Variants in PCSK5 observed in about 807,000 individuals in gnomAD.
The protein encoded by PCSK5 is proprotein convertase subtilisin/kexin type 5.
Under a neutral mutation model 233.2 loss-of-function variants are expected in PCSK5, and 129 were observed. That is an observed-to-expected ratio of 0.55 (90% CI 0.48 to 0.64). The LOEUF (loss-of-function observed/expected upper bound fraction) is 0.64. PCSK5 is among the 30% of genes least tolerant of loss of function. The pLI is 0.00. For synonymous variants in PCSK5, 825 were observed against 879.2 expected (o/e 0.94, Z 1.09); for missense variants, 2,076 against 2,430.1 (o/e 0.85, Z 3.06).
chr9:76,159,818 T>C (rs1415063177), intron 12 of PCSK5, among the ~76,000 whole-genome samples: 6 of 92,306 alleles, frequency 6.5e-5, no homozygotes, highest in African/African-American at 2.4e-4. Flanking sequence ...CTTCAGTCCT[T>C]TTTTTTTTTT....
intron 17 of PCSK5, among the ~76,000 whole-genome samples, chr9:76,188,354 A>C (rs2131236805): frequency 6.6e-6 from 1 of 152,350 alleles, no homozygotes; most frequent in South Asian, 2.1e-4. Context: ...GAAGCCTAGC[A>C]GCGTGTGTGT....
At chr9:75,945,236 T>C (rs1824511310) in intron 2 of PCSK5, among the ~76,000 whole-genome samples, 1 of 152,024 alleles carries the variant, frequency 6.6e-6, no homozygotes, top group African/African-American at 2.4e-5. Flanking sequence ...GTGGAACTTT[T>C]ACATTTCTAC....
chr9:76,271,961 A>C (rs969929266), intron 24 of PCSK5, among the ~76,000 whole-genome samples: 14 of 152,234 alleles, frequency 9.2e-5, no homozygotes, highest in Admixed American at 7.2e-4. Flanking sequence ...GAGTCATTTG[A>C]TTTAGCTTAG....
intron 34 of PCSK5, 142 bp downstream of exon 34, chr9:76,332,752 C>A (rs1290396114): frequency 6.3e-6 from 4 of 634,876 alleles, no homozygotes; most frequent in African/African-American, 3.7e-5. Flanking sequence ...AAAGATGAAC[C>A]AATTCACAGT....
intron 2 of PCSK5, among the ~76,000 whole-genome samples, chr9:75,947,526 A>G (rs1824630548): frequency 6.6e-6 from 1 of 152,164 alleles, no homozygotes; most frequent in Non-Finnish European, 1.5e-5. Context: ...CAAAAGTGCA[A>G]AAGACTAACA....
chr9:76,147,984 T>C (rs1823510248), intron 10 of PCSK5, among the ~76,000 whole-genome samples: 1 of 152,084 alleles, frequency 6.6e-6, no homozygotes, highest in Non-Finnish European at 1.5e-5. Flanking sequence ...CTCCCTCCTT[T>C]CACAGCTAAA....
chr9:76,020,050 C>T lies in PCSK5; in HGVS notation c.412-3688C>T, dbSNP rs11144718. ...ATATGCTGGAAATTTCTGACTGGCCCCTTTGGTGAACACCAGGCTGTGGGC... is the reference window on the plus strand; with the variant it reads ...ATATGCTGGAAATTTCTGACTGGCCTCTTTGGTGAACACCAGGCTGTGGGC... On this transcript the variant is annotated intron_variant, in intron 3 of 37. Transcript: ENST00000674117. Among the ~76,000 whole-genome samples, 161 of 152,282 alleles carry T rather than the reference C, an allele frequency of 1.1e-3. 2 individuals are homozygous for T. In the East Asian group the frequency reaches 0.022, roughly 21 times the overall value.
intron 5 of PCSK5, among the ~76,000 whole-genome samples, chr9:76,054,899 G>A (rs973520411): frequency 1.1e-4 from 16 of 152,002 alleles, no homozygotes; most frequent in Admixed American, 3.3e-4. Context: ...ATATTTTCTT[G>A]TTTTTAAAAG....
Position 76,323,296 on chromosome 9 carries a change from C to T in PCSK5, c.4339+8C>T, listed in dbSNP as rs780931135. On this transcript the variant is annotated splice_region_variant and intron_variant, in intron 32 of 37. Transcript: ENST00000674117. ...AGACTAAGGAGTGCAGAGGTAAAGA[C>T]TTCTGGGATTCAAAATAGGCTCCGG... The T allele has an allele frequency of 2.0e-6, 3 of 1,531,188 alleles. No homozygotes were observed. Among genetic ancestry groups the T allele is most frequent in the Admixed American group, 3.4e-5 (2 of 59,182 alleles). 94.9% of individuals were successfully genotyped at this position (1,531,188 alleles called of 1,614,324 possible).
rs187042352 is a variant in PCSK5 at position 76,028,984 on chromosome 9, C to T, written c.632+1947C>T. Among the ~76,000 whole-genome samples the T allele has an allele frequency of 2.0e-4, 31 of 152,210 alleles. No individual in the cohort carries two copies. The East Asian group carries it at 6.0e-3, about 29-fold the overall frequency. ...TTGCAAAGGTGATTCTAGTCCCTCC[C>T]CTTGGGTTTCATAACACCTTATTCT... On this transcript the variant is annotated intron_variant, in intron 5 of 37. Transcript: ENST00000674117.
chr9:75,969,866 G>A (rs1039157581), intron 2 of PCSK5, among the ~76,000 whole-genome samples: 1 of 149,832 alleles, frequency 6.7e-6, no homozygotes, highest in African/African-American at 2.5e-5. Context: ...TTGGACTCCA[G>A]AAATCCTTTT....
intron 24 of PCSK5, among the ~76,000 whole-genome samples, chr9:76,278,561 C>T (rs1340804127): frequency 6.6e-6 from 1 of 151,812 alleles, no homozygotes; most frequent in Non-Finnish European, 1.5e-5. Flanking sequence ...TTGTTTTAAC[C>T]AATTCTGTAA....
chr9:75,920,826 A>T (rs1038322723), intron 1 of PCSK5, among the ~76,000 whole-genome samples: 11 of 152,130 alleles, frequency 7.2e-5, no homozygotes, highest in African/African-American at 2.4e-4. Context: ...AAAAAATAAA[A>T]TAAAAAAACA....
At chr9:76,161,510 T>A (rs1261550119) in intron 12 of PCSK5, among the ~76,000 whole-genome samples, 2 of 152,046 alleles carry the variant, frequency 1.3e-5, no homozygotes, top group African/African-American at 4.8e-5. Context: ...GGTGAAATAC[T>A]GTGAAGTGCA....
At chr9:76,123,608 A>T (rs755010256) in intron 9 of PCSK5, among the ~76,000 whole-genome samples, 19 of 152,206 alleles carry the variant, frequency 1.2e-4, no homozygotes, top group Non-Finnish European at 1.9e-4. Context: ...TAAAACAATT[A>T]TTAAGTCTTA....
chr9:75,956,230 C>T (rs776337344), intron 2 of PCSK5, among the ~76,000 whole-genome samples: 5 of 152,234 alleles, frequency 3.3e-5, no homozygotes, highest in Non-Finnish European at 7.3e-5. Flanking sequence ...CAATTCTTAG[C>T]ATGAGCACGT....
At chr9:76,152,692 C>T (rs772520155) in intron 10 of PCSK5, among the ~76,000 whole-genome samples, 1 of 152,074 alleles carries the variant, frequency 6.6e-6, no homozygotes, top group Non-Finnish European at 1.5e-5. Flanking sequence ...AAGGACAGTC[C>T]ACTAAAAGAG....
chr9:75,936,375 A>G (rs1408870824), intron 2 of PCSK5, among the ~76,000 whole-genome samples: 1 of 152,216 alleles, frequency 6.6e-6, no homozygotes, highest in African/African-American at 2.4e-5. Context: ...ATGCTGTTTG[A>G]TAGCATTTTA....
chr9:76,178,754 A>T (rs757425360), intron 14 of PCSK5, among the ~76,000 whole-genome samples: 6 of 152,338 alleles, frequency 3.9e-5, no homozygotes, highest in Non-Finnish European at 5.9e-5. Flanking sequence ...GAGTTTGCAG[A>T]TTATGAGACC....
Sources: allele counts gnomAD v4.1 joint callset (sites outside exome capture counted in the v4.1 genomes callset), GRCh38; gene constraint gnomAD v4.1.1; transcripts MANE v1.5; gene names NCBI Gene and HGNC (gene_info 2026-07-23, HGNC 2026-07-21).